PLCE1: variants seen among roughly 807,000 people sequenced by gnomAD.
PLCE1 encodes the protein phospholipase C epsilon 1, also known as 1-phosphatidylinositol 4,5-bisphosphate phosphodiesterase epsilon-1.
In PLCE1, 119 loss-of-function variants were observed where a neutral mutation model predicts 242.8. The ratio of observed to expected loss-of-function variants is 0.49; its 90% CI spans 0.42 to 0.57. PLCE1 has a LOEUF of 0.57. Ranked by LOEUF, PLCE1 falls within the 20% of genes least tolerant of loss-of-function variation. The pLI is 0.00. For missense variants in PLCE1, 2,441 were observed against 2,788.8 expected, an observed-to-expected ratio of 0.88 and a Z score of 2.81; for synonymous variants, 945 against 1,017.4, an observed-to-expected ratio of 0.93 and a Z score of 1.35.
intron 3 of PLCE1, among the ~76,000 whole-genome samples, chr10:94,165,134 G>T (rs1385284015): frequency 6.6e-6 from 1 of 152,216 alleles, no homozygotes; most frequent in Non-Finnish European, 1.5e-5. Context: ...CCAGCTGCGT[G>T]CTGGGAGAAC....
At chr10:94,327,544 G>A (rs1274075618) in intron 32 of PLCE1, among the ~76,000 whole-genome samples, 2 of 152,134 alleles carry the variant, frequency 1.3e-5, no homozygotes, top group East Asian at 1.9e-4. Context: ...AGAGCAAAAA[G>A]AAAGTTAGTT....
chr10:94,050,854 T>A (rs1280273928), intron 2 of PLCE1, among the ~76,000 whole-genome samples: 1 of 152,162 alleles, frequency 6.6e-6, no homozygotes, highest in Non-Finnish European at 1.5e-5. Flanking sequence ...TTCAAAGAGA[T>A]GATTGGCATA....
At chr10:94,021,596 T>C (rs150234401) in intron 1 of PLCE1, among the ~76,000 whole-genome samples, 11 of 152,308 alleles carry the variant, frequency 7.2e-5, no homozygotes, top group African/African-American at 2.2e-4. Flanking sequence ...TTCTATTTCA[T>C]TGATGTAAAT....
At chr10:94,262,469 A>G (rs1201000012) in intron 13 of PLCE1, 25 bp from the exon 14 acceptor site, 9 of 1,465,042 alleles carry the variant, frequency 6.1e-6, no homozygotes, top group South Asian at 1.1e-5. Context: ...TATCTTGTCC[A>G]TGTACTGTGG....
At chr10:94,300,797 A>C (rs2053006309) in intron 24 of PLCE1, among the ~76,000 whole-genome samples, 1 of 152,208 alleles carries the variant, frequency 6.6e-6, no homozygotes, top group Non-Finnish European at 1.5e-5. Flanking sequence ...GCAGTGGCTC[A>C]TACCTGTAAT....
rs761375714 is a variant in PLCE1 at position 94,171,133 on chromosome 10, G to T, written c.1493-47G>T. On this transcript the variant is annotated intron_variant, in intron 3 of 32. Transcript: ENST00000371380. ...GCTCTCAAGTAAATATCTGTTGCAGGGGACACCAGATTTGATGTAACCACG... is the reference window on the plus strand; with the variant it reads ...GCTCTCAAGTAAATATCTGTTGCAGTGGACACCAGATTTGATGTAACCACG... 2.8e-6 allele frequency: 4 copies of T among 1,446,518 alleles called. No homozygotes were observed. The Admixed American group carries it at 5.0e-5, about 18-fold the overall frequency. 89.6% of individuals were successfully genotyped at this position (1,446,518 alleles called of 1,614,324 possible).
At chr10:94,268,187 AGC>A (rs2051583582) in intron 16 of PLCE1, among the ~76,000 whole-genome samples, 1 of 152,256 alleles carries the variant, frequency 6.6e-6, no homozygotes. Context: ...AATAGGTATC[AGC>A]TCATCTGATT....
intron 22 of PLCE1, among the ~76,000 whole-genome samples, chr10:94,286,211 G>A (rs1188994253): frequency 1.3e-5 from 2 of 152,194 alleles, no homozygotes; most frequent in African/African-American, 4.8e-5. Flanking sequence ...GACTTGGCCT[G>A]GAGAGAGGCA....
At chr10:94,229,425 G>A (rs1227216783) in intron 5 of PLCE1, among the ~76,000 whole-genome samples, 1 of 152,212 alleles carries the variant, frequency 6.6e-6, no homozygotes, top group Non-Finnish European at 1.5e-5. Flanking sequence ...GAGGGAGGCA[G>A]AGGCTGCAAT....
chr10:93,996,018 C>T (rs1391166453), intron 1 of PLCE1, among the ~76,000 whole-genome samples: 5 of 152,224 alleles, frequency 3.3e-5, no homozygotes, highest in Non-Finnish European at 5.9e-5. Context: ...TGAAAAAATA[C>T]TGTGCATGGT....
chr10:94,255,878 T>TCACA (rs1206355849), intron 11 of PLCE1, among the ~76,000 whole-genome samples: 706 of 66,604 alleles, frequency 0.011, 14 homozygotes, highest in African/African-American at 0.024. Context: ...TTACTTTATC[T>TCACA]CACACACACA....
intron 22 of PLCE1, among the ~76,000 whole-genome samples, chr10:94,285,612 A>G (rs903224037): frequency 6.6e-6 from 1 of 152,224 alleles, no homozygotes; most frequent in Middle Eastern, 3.4e-3. Context: ...CCAGCACTAC[A>G]TGCTTCCAGT....
chr10:94,245,917 CA>C (rs1458670958), intron 7 of PLCE1, 28 bp from the exon 8 acceptor site: 1 of 1,594,476 alleles, frequency 6.3e-7, no homozygotes, highest in Admixed American at 1.7e-5. Context: ...GATTATAAGA[CA>C]AACCAAATTG....
At chr10:94,110,636 G>A (rs1249469880) in intron 2 of PLCE1, among the ~76,000 whole-genome samples, 1 of 152,198 alleles carries the variant, frequency 6.6e-6, no homozygotes, top group Non-Finnish European at 1.5e-5. Context: ...TGTGTAATAT[G>A]ACATCACAAC....
At chr10:94,255,914 A>ACACACACT (rs1284531207) in intron 11 of PLCE1, among the ~76,000 whole-genome samples, 85 of 67,316 alleles carry the variant, frequency 1.3e-3, no homozygotes, top group African/African-American at 4.6e-3. Flanking sequence ...ACACACACAC[A>ACACACACT]CTCTCTCTCT....
At position 94,227,326 on chromosome 10, in the gene PLCE1, G is replaced by C; in HGVS notation, c.1830G>C (p.Trp610Cys). ...TCCAGGTGAGCTCCTGGGTGACATG[G>C]CTGATCCTCACGGCAGGCTCCATGG... ...RFNEVSSWVT[W>C]LILTAGSMEE... is the part of the protein sequence containing the mutation. Residue 610 changes from tryptophan (W) to cysteine (C), a missense_variant, in exon 5 of 33, where the codon TGG becomes TGC. This residue lies in a region of PLCE1 where 733 missense variants were observed against 754.2 expected (regional missense o/e 0.97). Coordinates refer to ENST00000371380, the MANE Select transcript of PLCE1 (RefSeq NM_016341.4). 1.2e-6 allele frequency: 2 copies of C among 1,614,084 alleles called. No homozygotes were observed. The highest frequency in any genetic ancestry group is 1.7e-6 in the Non-Finnish European group (2 of 1,179,970).
At chr10:94,169,445 T>A (rs1174515404) in intron 3 of PLCE1, among the ~76,000 whole-genome samples, 1 of 152,020 alleles carries the variant, frequency 6.6e-6, no homozygotes, top group East Asian at 1.9e-4. Context: ...GAGACAAAGG[T>A]AGATTTAATC....
intron 2 of PLCE1, among the ~76,000 whole-genome samples, chr10:94,098,228 A>G (rs1185908426): frequency 6.6e-6 from 1 of 152,216 alleles, no homozygotes; most frequent in Admixed American, 6.5e-5. Context: ...CTTTTTTAAC[A>G]AAAACTTACT....
At chr10:94,185,220 G>A (rs550396374) in intron 4 of PLCE1, among the ~76,000 whole-genome samples, 37 of 152,284 alleles carry the variant, frequency 2.4e-4, no homozygotes, top group African/African-American at 8.4e-4. Context: ...TTGGGCATAC[G>A]GCCACAGTGG....
Sources: allele counts gnomAD v4.1 joint callset (sites outside exome capture counted in the v4.1 genomes callset), GRCh38; gene constraint gnomAD v4.1.1; regional missense constraint gnomAD v4.1.1; transcripts MANE v1.5; gene names NCBI Gene and HGNC (gene_info 2026-07-23, HGNC 2026-07-21).